PRKCE: variants seen among roughly 807,000 people sequenced by gnomAD.
PRKCE encodes the protein protein kinase C epsilon type.
Under a neutral mutation model 85.4 loss-of-function variants are expected in PRKCE, and 16 were observed. The ratio of observed to expected loss-of-function variants is 0.19; its 90% CI spans 0.13 to 0.28. The LOEUF is 0.28. Ranked by LOEUF, PRKCE falls within the 10% of genes least tolerant of loss-of-function variation. The pLI is 1.00. For synonymous variants in PRKCE, 388 were observed against 371.5 expected, an observed-to-expected ratio of 1.04 and a Z score of -0.51; for missense variants, 573 against 975.2, an observed-to-expected ratio of 0.59 and a Z score of 5.49.
At chr2:46,162,235 G>C (rs948029247) in intron 14 of PRKCE, among the ~76,000 whole-genome samples, 10 of 152,158 alleles carry the variant, frequency 6.6e-5, no homozygotes, top group Admixed American at 4.6e-4. Flanking sequence ...TAGAGCAAAA[G>C]GGACCTGTGC....
At chr2:46,015,691 C>CAAAAAAAAAAAAAAAAAAAAAAAAA (rs749060776) in intron 10 of PRKCE, among the ~76,000 whole-genome samples, 3 of 80,794 alleles carry the variant, frequency 3.7e-5, no homozygotes, top group Admixed American at 1.5e-4. Context: ...AACACTAAAC[C>CAAAAAAAAAAAAAAAAAAAAAAAAA]AAAAAAAAAA....
intron 10 of PRKCE, chr2:46,011,021 G>A: frequency 1.7e-6 from 2 of 1,187,108 alleles, no homozygotes; most frequent in Non-Finnish European, 2.2e-6. Context: ...TACCGCATAG[G>A]TGTCTGGGAA....
intron 1 of PRKCE, among the ~76,000 whole-genome samples, chr2:45,712,587 C>G (rs1246787702): frequency 6.6e-6 from 1 of 152,198 alleles, no homozygotes; most frequent in African/African-American, 2.4e-5. Context: ...AGCTCTGGAC[C>G]AATTGGCCCT....
chr2:45,837,057 G>A (rs1690940818), intron 1 of PRKCE, among the ~76,000 whole-genome samples: 1 of 152,172 alleles, frequency 6.6e-6, no homozygotes, highest in South Asian at 2.1e-4. Flanking sequence ...CCCTTCCCTT[G>A]AAGCCAATAA....
chr2:45,943,861 G>A (rs181444996), intron 2 of PRKCE, among the ~76,000 whole-genome samples: 35 of 152,288 alleles, frequency 2.3e-4, no homozygotes, highest in Non-Finnish European at 4.7e-4. Context: ...GAGTGACCGC[G>A]CAGTGAAACT....
intron 2 of PRKCE, among the ~76,000 whole-genome samples, chr2:45,853,542 T>C (rs1274863056): frequency 6.6e-6 from 1 of 152,206 alleles, no homozygotes; most frequent in African/African-American, 2.4e-5. Flanking sequence ...CTTACCTCTA[T>C]GTGATCTCCC....
intron 5 of PRKCE, among the ~76,000 whole-genome samples, chr2:45,981,568 A>C (rs1279702093): frequency 6.6e-6 from 1 of 152,176 alleles, no homozygotes; most frequent in Non-Finnish European, 1.5e-5. Flanking sequence ...CCAGAGCACC[A>C]ACATTGTTTG....
At position 45,652,476 on chromosome 2, in the gene PRKCE, G is replaced by A; in HGVS notation, c.348+28G>A. On this transcript the variant is annotated intron_variant, in intron 1 of 14. Transcript: ENST00000306156. This position sits in a 1 kb window ranked among gnomAD's most constrained non-coding sequence, Gnocchi z 7.7. Reference sequence around the variant, plus strand: ...GAGTGCGGCGCCTCCCCGTCATTCCGGGAACCCGGTTGTGGGGTCCCGGGG... The same window carrying A: ...GAGTGCGGCGCCTCCCCGTCATTCCAGGAACCCGGTTGTGGGGTCCCGGGG... 6.4e-7 allele frequency: 1 copy of A among 1,566,638 alleles called. No individual in the cohort carries two copies. The highest frequency in any genetic ancestry group is 8.6e-7 in the Non-Finnish European group (1 of 1,156,288).
intron 2 of PRKCE, among the ~76,000 whole-genome samples, chr2:45,952,203 A>G (rs184216890): frequency 1.1e-4 from 17 of 152,330 alleles, no homozygotes; most frequent in Admixed American, 1.0e-3. Context: ...TTTCCATCAC[A>G]TAGATAAACA....
At chr2:46,028,330 CACA>C (rs1707277227) in intron 10 of PRKCE, among the ~76,000 whole-genome samples, 1 of 152,218 alleles carries the variant, frequency 6.6e-6, no homozygotes, top group South Asian at 2.1e-4. Flanking sequence ...TCTTCACTGC[CACA>C]ACATTTGTGT....
chr2:45,858,447 A>C (rs1286213638), intron 2 of PRKCE, among the ~76,000 whole-genome samples: 1 of 151,982 alleles, frequency 6.6e-6, no homozygotes, highest in African/African-American at 2.4e-5. Flanking sequence ...TTTTGGACTT[A>C]ATTTAAATCA....
chr2:46,128,354 G>A (rs1290957175), intron 11 of PRKCE, among the ~76,000 whole-genome samples: 1 of 152,184 alleles, frequency 6.6e-6, no homozygotes, highest in Non-Finnish European at 1.5e-5. Context: ...AGCAATTGGA[G>A]CTAACATTTG....
intron 2 of PRKCE, among the ~76,000 whole-genome samples, chr2:45,931,841 G>A (rs571946750): frequency 6.6e-6 from 1 of 152,050 alleles, no homozygotes; most frequent in Admixed American, 6.5e-5. Flanking sequence ...TCAATAGCTG[G>A]GACTACAGGC....
chr2:46,053,772 ACACG>A (rs1666292010), intron 10 of PRKCE, among the ~76,000 whole-genome samples: 2 of 114,924 alleles, frequency 1.7e-5, no homozygotes, highest in African/African-American at 3.7e-5. Flanking sequence ...ACGTGGGTGG[ACACG>A]TGGGTTGCTT....
intron 2 of PRKCE, among the ~76,000 whole-genome samples, chr2:45,899,384 C>CTTT (rs1028345493): frequency 7.0e-6 from 1 of 142,842 alleles, no homozygotes; most frequent in African/African-American, 2.6e-5. Context: ...AATTTTTTTT[C>CTTT]TTTTTTTTTT....
intron 10 of PRKCE, among the ~76,000 whole-genome samples, chr2:46,076,457 G>A (rs940249100): frequency 1.3e-5 from 2 of 152,136 alleles, no homozygotes; most frequent in African/African-American, 2.4e-5. Flanking sequence ...CATTCCCTGG[G>A]ATAAGCAACT....
chr2:45,980,148 A>T lies in PRKCE; in HGVS notation c.608-148A>T, dbSNP rs899866515. 7.9e-6 allele frequency: 5 copies of T among 634,326 alleles called. No homozygotes were observed. The South Asian group carries it at 1.1e-4, about 13-fold the overall frequency. 39.3% of individuals were successfully genotyped at this position (634,326 alleles called of 1,614,324 possible). On this transcript the variant is annotated intron_variant, in intron 4 of 14. Coordinates refer to ENST00000306156, the MANE Select transcript of PRKCE (RefSeq NM_005400.3). ...GGACAGTGTTTTGAAATAGCTGTATAAAAGACTTTAGGGAGGGTATTAAAT... is the reference window on the plus strand; with the variant it reads ...GGACAGTGTTTTGAAATAGCTGTATTAAAGACTTTAGGGAGGGTATTAAAT...
rs2103664237 is a variant in PRKCE at position 45,652,178 on chromosome 2, C to T, written c.78C>T (p.Arg26=). Reference sequence around the variant, plus strand: ...TGAAGCCCACAGCCTGGTCGCTGCGCCATGCGGTGGGACCCCGGCCGCAGA... The same window carrying T: ...TGAAGCCCACAGCCTGGTCGCTGCGTCATGCGGTGGGACCCCGGCCGCAGA... ...VSLKPTAWSL[R]HAVGPRPQTF... Residue 26 remains arginine, a synonymous_variant, in exon 1 of 15, where the codon CGC becomes CGT. Transcript: ENST00000306156. This position sits in a 1 kb window ranked among gnomAD's most constrained non-coding sequence, Gnocchi z 7.7. The T allele has an allele frequency of 1.2e-6, 2 of 1,613,020 alleles. No individual in the cohort carries two copies. The highest frequency in any genetic ancestry group is 1.7e-6 in the Non-Finnish European group (2 of 1,179,576).
intron 1 of PRKCE, among the ~76,000 whole-genome samples, chr2:45,768,765 G>A (rs1573275559): frequency 6.6e-6 from 1 of 152,228 alleles, no homozygotes; most frequent in East Asian, 1.9e-4. Context: ...CTCTGAATAT[G>A]TGTAGGAATT....
Sources: gnomAD v4.1 joint callset for allele counts (sites outside exome capture counted in the v4.1 genomes callset) on GRCh38, gnomAD v4.1.1 for gene constraint, Gnocchi (gnomAD v3.1) non-coding constraint, MANE v1.5 for transcripts, NCBI Gene and HGNC (gene_info 2026-07-23, HGNC 2026-07-21) for gene names.